SLC7A2: variants seen among roughly 807,000 people sequenced by gnomAD.
The protein encoded by SLC7A2 is cationic amino acid transporter 2.
In SLC7A2, 48 loss-of-function variants were observed where a neutral mutation model predicts 58.9. That is an observed-to-expected ratio of 0.82 (90% CI 0.65 to 1.04). The LOEUF is 1.04. Ranked by LOEUF, SLC7A2 falls within the 50% of genes least tolerant of loss-of-function variation. The pLI is 0.00. For missense variants in SLC7A2, 1,029 were observed against 818.8 expected (o/e 1.26, Z -3.13); for synonymous variants, 363 against 314.5 (o/e 1.15, Z -1.63).
chr8:17,538,840 A>C, intron 2 of SLC7A2: 5 of 1,613,654 alleles, frequency 3.1e-6, no homozygotes, highest in South Asian at 1.1e-5. Flanking sequence ...GATAGAAACA[A>C]GTGGTTATAA....
intron 2 of SLC7A2, among the ~76,000 whole-genome samples, chr8:17,531,007 C>CTAAT (rs1327475783): frequency 9.9e-5 from 15 of 152,122 alleles, no homozygotes; most frequent in African/African-American, 2.7e-4. Context: ...TGAAGGAAGG[C>CTAAT]TAATTCATTT....
At chr8:17,530,334 G>A (rs1801396239) in intron 2 of SLC7A2, among the ~76,000 whole-genome samples, 1 of 152,140 alleles carries the variant, frequency 6.6e-6, no homozygotes, top group Non-Finnish European at 1.5e-5. Flanking sequence ...GGGGCAAGGT[G>A]GGGGCAGCTG....
intron 2 of SLC7A2, among the ~76,000 whole-genome samples, chr8:17,537,311 C>G (rs1801711449): frequency 6.6e-6 from 1 of 152,146 alleles, no homozygotes; most frequent in East Asian, 1.9e-4. Context: ...TCAAGCCTCC[C>G]AAAGTGCTGG....
intron 2 of SLC7A2, among the ~76,000 whole-genome samples, chr8:17,510,153 G>A (rs1403379450): frequency 6.6e-6 from 1 of 152,094 alleles, no homozygotes; most frequent in Non-Finnish European, 1.5e-5. Flanking sequence ...CTGGGAGGCA[G>A]AGGTTGCAGT....
chr8:17,549,621 A>G (rs1394150181), intron 5 of SLC7A2, among the ~76,000 whole-genome samples: 5 of 152,198 alleles, frequency 3.3e-5, no homozygotes, highest in Admixed American at 3.3e-4. Flanking sequence ...TTAATGCTTT[A>G]GTAATCTTCA....
intron 2 of SLC7A2, among the ~76,000 whole-genome samples, chr8:17,530,302 C>T (rs930838162): frequency 2.0e-5 from 3 of 152,126 alleles, no homozygotes; most frequent in Non-Finnish European, 2.9e-5. Flanking sequence ...GCCTGGGAGC[C>T]GGGACAGAGG....
rs543378062 is a variant in SLC7A2 at position 17,570,421 on chromosome 8, G to A, written c.*5275G>A. ...TTTAGTAGTAATTTTAAATTTAAAT[G>A]TTTTAAGTGATCATCAGTGTTCCTT... is the stretch of plus-strand genomic sequence containing the variant. On this transcript the variant is annotated 3_prime_UTR_variant, in exon 13 of 13. Coordinates refer to ENST00000494857, the MANE Select transcript of SLC7A2 (RefSeq NM_001370338.1). 6.6e-6 allele frequency: 1 copy of A among 152,670 alleles called. No individual in the cohort carries two copies. The highest frequency in any genetic ancestry group is 6.5e-5 in the Admixed American group (1 of 15,290). The allele number at this position is 152,670 out of a possible 1,614,324, so 9.5% of individuals were successfully genotyped here.
At chr8:17,530,115 T>C (rs116976262) in intron 2 of SLC7A2, among the ~76,000 whole-genome samples, 6,582 of 152,220 alleles carry the variant, frequency 0.043, 200 homozygotes, top group Middle Eastern at 0.095. Flanking sequence ...AGCTTTTCCC[T>C]GCCTCCTACC....
rs1563490185 is a variant in SLC7A2 at position 17,566,095 on chromosome 8, C to CT, written c.*953dup. On this transcript the variant is annotated 3_prime_UTR_variant, in exon 13 of 13. Coordinates refer to ENST00000494857, the MANE Select transcript of SLC7A2 (RefSeq NM_001370338.1). ...CTTGAATAAGTAGACCCCAAGCATCCTTTTCTAAAAAGTGACTTAAAATAA... is the reference window on the plus strand; with the variant it reads ...CTTGAATAAGTAGACCCCAAGCATCCTTTTTCTAAAAAGTGACTTAAAATAA... 6.6e-6 allele frequency: 1 copy of CT among 152,196 alleles called. No individual in the cohort carries two copies. The highest frequency in any genetic ancestry group is 2.4e-5 in the African/African-American group (1 of 41,446). The allele number at this position is 152,196 out of a possible 1,614,324, so 9.4% of individuals were successfully genotyped here. A position where few individuals can be genotyped will look rare whatever the true frequency, so the allele number is the denominator to read the frequency against.
At chr8:17,527,593 C>A (rs916588765) in intron 2 of SLC7A2, among the ~76,000 whole-genome samples, 1 of 152,164 alleles carries the variant, frequency 6.6e-6, no homozygotes, top group Admixed American at 6.5e-5. Context: ...CTGAAACCTG[C>A]AGGGGAGGGT....
chr8:17,513,793 A>C (rs1474002245), intron 2 of SLC7A2, among the ~76,000 whole-genome samples: 1 of 152,210 alleles, frequency 6.6e-6, no homozygotes, highest in Non-Finnish European at 1.5e-5. Flanking sequence ...TTTTTGTCCC[A>C]CTTACAACAG....
intron 4 of SLC7A2, 94 bp from the exon 5 acceptor site, chr8:17,548,584 C>A: frequency 1.2e-6 from 1 of 841,246 alleles, no homozygotes; most frequent in Non-Finnish European, 1.9e-6. Context: ...GACATGAATG[C>A]TGGTGAAATA....
At position 17,551,876 on chromosome 8, in the gene SLC7A2, G is replaced by A. The variant is rs141741899; in HGVS notation, c.945G>A (p.Pro315=). ...GVSAALTLMM[P]YYLLDEKSPL... ...CTGCAGCTTTAACACTTATGATGCCGTACTACCTCCTCGATGAAAAAAGCC... is the reference window on the plus strand; with the variant it reads ...CTGCAGCTTTAACACTTATGATGCCATACTACCTCCTCGATGAAAAAAGCC... Residue 315 remains proline (P), a synonymous_variant, in exon 7 of 13, where the codon CCG becomes CCA. Transcript: ENST00000494857. 37 of 1,613,718 alleles carry A rather than the reference G, an allele frequency of 2.3e-5. 1 individual carries two copies. Among genetic ancestry groups the A allele is most frequent in the South Asian group, 1.9e-4 (17 of 91,086 alleles).
rs1408208277 is a variant in SLC7A2, at chr8:17,567,908, A to G, written c.*2762A>G. 1 of 152,156 alleles carries G rather than the reference A, an allele frequency of 6.6e-6. No homozygotes were observed. The highest frequency in any genetic ancestry group is 2.4e-5 in the African/African-American group (1 of 41,438). The allele number at this position is 152,156 out of a possible 1,614,324, so 9.4% of individuals were successfully genotyped here. ...GGATTCCTGTTTACTTGCTGCTGCC[A>G]CACCTTTTCCGACTGATCTGTCCTG... On this transcript the variant is annotated 3_prime_UTR_variant, in exon 13 of 13. Coordinates refer to ENST00000494857, the MANE Select transcript of SLC7A2 (RefSeq NM_001370338.1).
intron 2 of SLC7A2, among the ~76,000 whole-genome samples, chr8:17,505,270 A>G (rs1800319318): frequency 6.6e-6 from 1 of 152,200 alleles, no homozygotes; most frequent in Non-Finnish European, 1.5e-5. Flanking sequence ...TGGAATGCAG[A>G]AACCATTTCA....
chr8:17,539,773 A>G (rs2299566), intron 2 of SLC7A2, among the ~76,000 whole-genome samples: 2,556 of 152,260 alleles, frequency 0.017, 76 homozygotes, highest in East Asian at 0.096. Flanking sequence ...GCTCCTGGAA[A>G]AACAAAGTCT....
Position 17,565,498 on chromosome 8 carries a change from G to T in SLC7A2, c.*352G>T. ...CATTTTTCCAGTGTCGTCATTAATC[G>T]GTGGCATATACTGCACATACTGAAA... On this transcript the variant is annotated 3_prime_UTR_variant, in exon 13 of 13. Coordinates refer to ENST00000494857, the MANE Select transcript of SLC7A2 (RefSeq NM_001370338.1). 1 of 196,062 alleles carries T rather than the reference G, an allele frequency of 5.1e-6. No homozygotes were observed. Among genetic ancestry groups the T allele is most frequent in the Non-Finnish European group, 1.1e-5 (1 of 95,236 alleles). 12.1% of individuals were successfully genotyped at this position (196,062 alleles called of 1,614,324 possible).
chr8:17,531,017 TA>T (rs1801428982), intron 2 of SLC7A2, among the ~76,000 whole-genome samples: 3 of 152,250 alleles, frequency 2.0e-5, no homozygotes, highest in Admixed American at 2.0e-4. Context: ...CTAATTCATT[TA>T]CAAATCTCCA....
intron 2 of SLC7A2, among the ~76,000 whole-genome samples, chr8:17,519,891 G>C (rs1800946597): frequency 6.6e-6 from 1 of 152,088 alleles, no homozygotes; most frequent in Non-Finnish European, 1.5e-5. Context: ...AGAGCACCCT[G>C]CTTCTTCTTC....
Sources: gnomAD v4.1 joint callset for allele counts (sites outside exome capture counted in the v4.1 genomes callset) on GRCh38, gnomAD v4.1.1 for gene constraint, MANE v1.5 for transcripts, NCBI Gene and HGNC (gene_info 2026-07-23, HGNC 2026-07-21) for gene names.